ADGRB1: variants seen among roughly 807,000 people sequenced by gnomAD.
ADGRB1 encodes the protein brain-specific angiogenesis inhibitor 1.
ADGRB1 carries 36 observed loss-of-function variants against 175.7 expected under a neutral mutation model. The ratio of observed to expected loss-of-function variants is 0.20; its 90% CI spans 0.16 to 0.27. The LOEUF is 0.27. Among genes scored for constraint, ADGRB1 ranks in the 10% least tolerant of loss-of-function variants. The pLI is 1.00. For missense variants in ADGRB1, 1,731 were observed against 2,255.3 expected (o/e 0.77, Z 4.71); for synonymous variants, 1,054 against 979.4 (o/e 1.08, Z -1.42).
At chr8:142,490,705 TG>T in intron 16 of ADGRB1, 66 bp from the exon 17 acceptor site, 1 of 1,506,284 alleles carries the variant, frequency 6.6e-7, no homozygotes, top group Non-Finnish European at 9.0e-7. Flanking sequence ...GTGGGTCCCA[TG>T]GTGACCCGAG....
intron 2 of ADGRB1, among the ~76,000 whole-genome samples, chr8:142,473,136 A>G (rs1452361915): frequency 6.6e-6 from 1 of 152,206 alleles, no homozygotes; most frequent in Non-Finnish European, 1.5e-5. Context: ...GTGCTGCAGC[A>G]GTTGCCATGG....
intron 17 of ADGRB1, among the ~76,000 whole-genome samples, chr8:142,497,334 C>T (rs985504706): frequency 2.6e-5 from 4 of 152,172 alleles, no homozygotes; most frequent in Non-Finnish European, 5.9e-5. Context: ...CTCCCTCACC[C>T]ACCCCTTTCC....
At position 142,542,563 on chromosome 8, in the gene ADGRB1, G is replaced by A. The variant is rs962097322; in HGVS notation, c.4329G>A (p.Gly1443=). The A allele has an allele frequency of 2.6e-6, 4 of 1,529,036 alleles. No individual in the cohort carries two copies. Among genetic ancestry groups the A allele is most frequent in the Non-Finnish European group, 3.5e-6 (4 of 1,138,476 alleles). 94.7% of individuals were successfully genotyped at this position (1,529,036 alleles called of 1,614,324 possible). ...CACCCCCCAGCCTGGGGGATCCCGGGGAGCCTGCCGCCCATCCGGGACCCA... is the reference window on the plus strand; with the variant it reads ...CACCCCCCAGCCTGGGGGATCCCGGAGAGCCTGCCGCCCATCCGGGACCCA... The part of the protein sequence containing the change: ...EPAPPSLGDP[G]EPAAHPGPST... The change falls in exon 28 of 31, where the codon GGG becomes GGA. Residue 1443 remains glycine (G), a synonymous_variant. Coordinates refer to ENST00000517894, the MANE Select transcript of ADGRB1 (RefSeq NM_001702.3). This position sits in a 1 kb window ranked among gnomAD's most constrained non-coding sequence, Gnocchi z 6.3.
At chr8:142,521,342 C>T (rs1475186203) in intron 20 of ADGRB1, among the ~76,000 whole-genome samples, 2 of 152,182 alleles carry the variant, frequency 1.3e-5, no homozygotes, top group African/African-American at 4.8e-5. Flanking sequence ...AAGCTGGCAG[C>T]TCATGGAGGG....
At position 142,542,829 on chromosome 8, in the gene ADGRB1, C is replaced by T. The variant is rs1429309210; in HGVS notation, c.4413+182C>T. Among the ~76,000 whole-genome samples, 1 of 152,132 alleles carries T rather than the reference C, an allele frequency of 6.6e-6. No homozygotes were observed. Among genetic ancestry groups the T allele is most frequent in the East Asian group, 1.9e-4 (1 of 5,156 alleles). On this transcript the variant is annotated intron_variant, in intron 28 of 30. Coordinates refer to ENST00000517894, the MANE Select transcript of ADGRB1 (RefSeq NM_001702.3). This position sits in a 1 kb window ranked among gnomAD's most constrained non-coding sequence, Gnocchi z 6.3. ...TGTATGTCTGACGTGTGGTCCCCAC[C>T]CTAGGCTTGGCAGGGTGGTCTCACC...
chr8:142,538,867 G>T (rs1319163561), intron 26 of ADGRB1, among the ~76,000 whole-genome samples: 1 of 152,146 alleles, frequency 6.6e-6, no homozygotes, highest in East Asian at 1.9e-4. Flanking sequence ...TTCTGGTGCC[G>T]CAGGCCCAGA....
At chr8:142,528,455 G>A (rs967195003) in intron 24 of ADGRB1, among the ~76,000 whole-genome samples, 1 of 152,196 alleles carries the variant, frequency 6.6e-6, no homozygotes, top group Non-Finnish European at 1.5e-5. Flanking sequence ...CTCCTGAGGG[G>A]CTGGTTTTGC....
chr8:142,467,082 G>A (rs2131696828), intron 2 of ADGRB1, among the ~76,000 whole-genome samples: 1 of 152,356 alleles, frequency 6.6e-6, no homozygotes, highest in East Asian at 1.9e-4. Context: ...TGTGACGCGT[G>A]GAGAGGCTGG....
chr8:142,498,842 T>C (rs1397613854), intron 17 of ADGRB1, among the ~76,000 whole-genome samples: 1 of 152,116 alleles, frequency 6.6e-6, no homozygotes, highest in Non-Finnish European at 1.5e-5. Flanking sequence ...ACAGCCCCCA[T>C]GTGGCATAGC....
chr8:142,458,939 C>T (rs781315730), intron 1 of ADGRB1, among the ~76,000 whole-genome samples: 5 of 152,200 alleles, frequency 3.3e-5, no homozygotes, highest in Non-Finnish European at 7.3e-5. Flanking sequence ...CCAAGACAAT[C>T]GCCCACTTCT....
intron 13 of ADGRB1, among the ~76,000 whole-genome samples, chr8:142,485,302 C>A (rs1325157936): frequency 2.0e-5 from 3 of 152,198 alleles, no homozygotes; most frequent in Non-Finnish European, 4.4e-5. Context: ...ACAAACACAG[C>A]AATTCTATTT....
At chr8:142,457,202 C>T (rs1839728773) in intron 1 of ADGRB1, among the ~76,000 whole-genome samples, 2 of 152,176 alleles carry the variant, frequency 1.3e-5, no homozygotes, top group Non-Finnish European at 2.9e-5. Flanking sequence ...AACACAGCTC[C>T]TATCTTCCCC....
At chr8:142,530,846 C>T (rs1203080566) in intron 24 of ADGRB1, among the ~76,000 whole-genome samples, 1 of 152,204 alleles carries the variant, frequency 6.6e-6, no homozygotes, top group African/African-American at 2.4e-5. Context: ...CAGGAGCAGG[C>T]GCGGTGCAGC....
chr8:142,534,239 C>T (rs1055911702), intron 25 of ADGRB1, among the ~76,000 whole-genome samples: 1 of 152,216 alleles, frequency 6.6e-6, no homozygotes, highest in Non-Finnish European at 1.5e-5. Flanking sequence ...GGGGCCCGCC[C>T]CCTCCCCAGG....
rs1052864556 is a variant in ADGRB1, at chr8:142,542,607, A to C, written c.4373A>C (p.Lys1458Thr). ...HPGPSTGPST[K>T]NENVATLSVS... ...GGACCCAGCACGGGGCCCAGCACCA[A>C]GAACGAGAATGTCGCCACCTTGTCT... Residue 1458 changes from lysine (K) to threonine (T), a missense_variant, in exon 28 of 31, where the codon AAG (lysine) becomes ACG (threonine). Transcript: ENST00000517894. This position sits in a 1 kb window ranked among gnomAD's most constrained non-coding sequence, Gnocchi z 6.3. 1.9e-6 allele frequency: 3 copies of C among 1,551,130 alleles called. No individual in the cohort carries two copies. In the East Asian group the frequency reaches 7.4e-5, roughly 38 times the overall value.
intron 2 of ADGRB1, among the ~76,000 whole-genome samples, chr8:142,468,095 T>G (rs1231676946): frequency 1.3e-5 from 2 of 152,112 alleles, no homozygotes; most frequent in Non-Finnish European, 2.9e-5. Flanking sequence ...GTGTGCGTGT[T>G]CATGCATGTG....
intron 17 of ADGRB1, among the ~76,000 whole-genome samples, chr8:142,499,053 T>G (rs1047311910): frequency 5.3e-5 from 8 of 152,172 alleles, no homozygotes; most frequent in Non-Finnish European, 1.2e-4. Context: ...GGCAGTGCTA[T>G]CCATCCCCCA....
At position 142,511,720 on chromosome 8, in the gene ADGRB1, C is replaced by G. The variant is rs1843115699; in HGVS notation, c.2817+647C>G. 6.6e-6 allele frequency among the ~76,000 whole-genome samples: 1 copy of G among 152,172 alleles called. No individual in the cohort carries two copies. The highest frequency in any genetic ancestry group is 1.5e-5 in the Non-Finnish European group (1 of 68,028). ...GGGGCCCTGGGTGCTGGGCGCAGCTCCCTGGGGCGGGTGGGCTCTCTTGCT... is the reference window on the plus strand; with the variant it reads ...GGGGCCCTGGGTGCTGGGCGCAGCTGCCTGGGGCGGGTGGGCTCTCTTGCT... On this transcript the variant is annotated intron_variant, in intron 18 of 30. Coordinates refer to ENST00000517894, the MANE Select transcript of ADGRB1 (RefSeq NM_001702.3). The surrounding 1 kb of genome is among the most constrained non-coding windows in gnomAD (Gnocchi z 4.5).
At chr8:142,541,112 G>A (rs1845246550) in intron 27 of ADGRB1, among the ~76,000 whole-genome samples, 1 of 152,062 alleles carries the variant, frequency 6.6e-6, no homozygotes. Flanking sequence ...GGCAGGCCAG[G>A]CTTCCCAGGA....
Sources: gnomAD v4.1 joint callset for allele counts (sites outside exome capture counted in the v4.1 genomes callset) on GRCh38, gnomAD v4.1.1 for gene constraint, Gnocchi (gnomAD v3.1) non-coding constraint, MANE v1.5 for transcripts, NCBI Gene and HGNC (gene_info 2026-07-23, HGNC 2026-07-21) for gene names.